The following PCDHA10 variants were observed in gnomAD, a reference collection of about 807,000 sequenced individuals.
PCDHA10 encodes the protein protocadherin alpha-10.
PCDHA10 carries 45 observed loss-of-function variants against 61.2 expected under a neutral mutation model. That is an observed-to-expected ratio of 0.74 (90% CI 0.58 to 0.94). The LOEUF is 0.94. PCDHA10 is among the 40% of genes least tolerant of loss of function. The probability of loss-of-function intolerance (pLI) is 0.00; values close to 1 mark genes in which losing one functional copy is unlikely to be tolerated. For missense variants in PCDHA10, 1,278 were observed against 1,236.2 expected, an observed-to-expected ratio of 1.03 and a Z score of -0.51; for synonymous variants, 602 against 548.8, an observed-to-expected ratio of 1.10 and a Z score of -1.35.
chr5:140,916,303 A>G (rs2077518127), intron 1 of PCDHA10, among the ~76,000 whole-genome samples: 1 of 152,176 alleles, frequency 6.6e-6, no homozygotes, highest in Admixed American at 6.5e-5. Context: ...ACTGGTACCA[A>G]AGGTGCAAGA....
At chr5:141,004,810 A>G (rs2098182429) in intron 3 of PCDHA10, among the ~76,000 whole-genome samples, 1 of 152,224 alleles carries the variant, frequency 6.6e-6, no homozygotes, top group Non-Finnish European at 1.5e-5. Flanking sequence ...GCTCAATTGC[A>G]GATTTGATTA....
intron 1 of PCDHA10, chr5:140,867,827 C>A (rs1219513690): frequency 2.0e-5 from 3 of 152,066 alleles, no homozygotes; most frequent in Non-Finnish European, 4.4e-5. Context: ...TCCACAAGCA[C>A]TAAGGTAATT....
At chr5:140,911,339 A>G (rs2075428336) in intron 1 of PCDHA10, among the ~76,000 whole-genome samples, 1 of 152,042 alleles carries the variant, frequency 6.6e-6, no homozygotes, top group Non-Finnish European at 1.5e-5. Flanking sequence ...TTTCCAATCA[A>G]TGCCCTCATT....
At chr5:140,900,956 C>G (rs2068392622) in intron 1 of PCDHA10, among the ~76,000 whole-genome samples, 1 of 152,160 alleles carries the variant, frequency 6.6e-6, no homozygotes, top group African/African-American at 2.4e-5. Flanking sequence ...CTCTGATTAT[C>G]AGTGATGTTG....
intron 1 of PCDHA10, among the ~76,000 whole-genome samples, chr5:140,898,316 G>T (rs1487888782): frequency 6.6e-6 from 1 of 152,168 alleles, no homozygotes; most frequent in Non-Finnish European, 1.5e-5. Flanking sequence ...GGTTTTTATG[G>T]TTTTGGGTCT....
intron 1 of PCDHA10, chr5:140,968,774 C>G: frequency 6.2e-7 from 1 of 1,614,206 alleles, no homozygotes; most frequent in Non-Finnish European, 8.5e-7. Flanking sequence ...AGAGCCATCA[C>G]TATCAGCCTC....
At chr5:140,868,032 C>T (rs1456286268) in intron 1 of PCDHA10, 1 of 152,026 alleles carries the variant, frequency 6.6e-6, no homozygotes, top group Non-Finnish European at 1.5e-5. Flanking sequence ...ATGTTGGTGA[C>T]TTGGAAATAC....
intron 1 of PCDHA10, chr5:140,875,643 G>A: frequency 6.2e-7 from 1 of 1,613,696 alleles, no homozygotes; most frequent in Non-Finnish European, 8.5e-7. Flanking sequence ...TGGAGCTGGC[G>A]GAGCTGGTGC....
At chr5:140,880,688 A>T (rs1033069078) in intron 1 of PCDHA10, among the ~76,000 whole-genome samples, 2 of 152,224 alleles carry the variant, frequency 1.3e-5, no homozygotes, top group East Asian at 3.8e-4. Flanking sequence ...GAGAATAGTC[A>T]TGGTTAAGTG....
chr5:140,934,377 G>A (rs1183246116), intron 1 of PCDHA10, among the ~76,000 whole-genome samples: 2 of 152,050 alleles, frequency 1.3e-5, no homozygotes, highest in Non-Finnish European at 2.9e-5. Flanking sequence ...TCCTTCTGTG[G>A]TTCTATGGTG....
rs35252606 is a variant in PCDHA10, at chr5:140,912,343, ATT to A, written c.2388+53921_2388+53922del. The stretch of plus-strand genomic sequence containing the variant: ...CTCAGTATTAACCAGTACACTAAGT[ATT>A]TTTTTTTTTTTTTGCAGCTGTTGTA... On this transcript the variant is annotated intron_variant, in intron 1 of 3. Transcript: ENST00000307360. 3.7e-3 allele frequency among the ~76,000 whole-genome samples: 528 copies of A among 143,760 alleles called. 4 individuals are homozygous for A. The highest frequency in any genetic ancestry group is 8.3e-3 in the East Asian group (41 of 4,940). 94.3% of individuals were successfully genotyped at this position (143,760 alleles called of 152,430 possible).
In PCDHA10 at chr5:140,857,926, C is replaced by G. The variant is rs1351185942; in HGVS notation, c.1878C>G (p.Tyr626Ter). The G allele has an allele frequency of 2.5e-6, 4 of 1,597,606 alleles. No individual in the cohort carries two copies. Among genetic ancestry groups the G allele is most frequent in the East Asian group, 2.2e-5 (1 of 44,826 alleles). Residue 626 changes from tyrosine (Y) to a stop codon, truncating the protein, a stop_gained, in exon 1 of 4, where the codon TAC becomes TAG. Coordinates refer to ENST00000307360, the MANE Select transcript of PCDHA10 (RefSeq NM_018901.4). LOFTEE classifies it high-confidence loss of function. ...GARIPFRVGL[Y>*]TGEISTTRAL... ...GCATCCCGTTTCGCGTGGGGCTGTA[C>G]ACGGGCGAGATCAGTACGACGCGCG...
At chr5:140,858,605 T>C (rs553423419) in intron 1 of PCDHA10, 169 bp downstream of exon 1, 1 of 1,265,752 alleles carries the variant, frequency 7.9e-7, no homozygotes, top group South Asian at 1.5e-5. Flanking sequence ...AGTTTTAAAA[T>C]TTTTTTATCC....
rs782248969 is a variant in PCDHA10 at position 140,927,466 on chromosome 5, G to A, written c.2389-51483G>A. 67 of 1,614,044 alleles carry A rather than the reference G, an allele frequency of 4.2e-5. No homozygotes were observed. Among genetic ancestry groups the A allele is most frequent in the Non-Finnish European group, 5.4e-5 (64 of 1,180,052 alleles). Reference sequence around the variant, plus strand: ...GGAGTTGGTGTTGGAGAAAGCACTGGATCGCGAACAGCGCGCCACCCACCT... The same window carrying A: ...GGAGTTGGTGTTGGAGAAAGCACTGAATCGCGAACAGCGCGCCACCCACCT... On this transcript the variant is annotated intron_variant, in intron 1 of 3. Coordinates refer to ENST00000307360, the MANE Select transcript of PCDHA10 (RefSeq NM_018901.4).
chr5:140,977,429 C>T (rs143756065), intron 1 of PCDHA10, among the ~76,000 whole-genome samples: 9 of 152,228 alleles, frequency 5.9e-5, no homozygotes, highest in South Asian at 2.1e-4. Context: ...CCTCTAACAC[C>T]GCTAGTAGAT....
chr5:140,983,308 T>C (rs2153831139), intron 3 of PCDHA10, among the ~76,000 whole-genome samples: 1 of 152,322 alleles, frequency 6.6e-6, no homozygotes, highest in East Asian at 1.9e-4. Context: ...CACATTTGCT[T>C]GGTATCCTTA....
intron 1 of PCDHA10, chr5:140,870,291 G>A (rs372143455): frequency 3.2e-5 from 52 of 1,614,052 alleles, no homozygotes; most frequent in Non-Finnish European, 3.6e-5. Context: ...CCTTCAAGCT[G>A]GTGTCCACCT....
intron 1 of PCDHA10, among the ~76,000 whole-genome samples, chr5:140,937,039 CTTT>C (rs34994034): frequency 1.4e-5 from 2 of 140,152 alleles, no homozygotes; most frequent in African/African-American, 5.3e-5. Flanking sequence ...TTCCATTTAT[CTTT>C]TTTTTTTTTT....
At chr5:140,983,092 T>C (rs782172308) in intron 3 of PCDHA10, among the ~76,000 whole-genome samples, 4 of 152,178 alleles carry the variant, frequency 2.6e-5, no homozygotes, top group Non-Finnish European at 5.9e-5. Flanking sequence ...TCAAAGTCAA[T>C]CTGCTTCTCT....
Sources: allele counts gnomAD v4.1 joint callset (sites outside exome capture counted in the v4.1 genomes callset), GRCh38; gene constraint gnomAD v4.1.1; transcripts MANE v1.5; gene names NCBI Gene and HGNC (gene_info 2026-07-23, HGNC 2026-07-21).